CPAMD8: variants seen among roughly 807,000 people sequenced by gnomAD.
CPAMD8 encodes C3 and PZP like alpha-2-macroglobulin domain containing 8, also known as C3 and PZP-like alpha-2-macroglobulin domain-containing protein 8.
Under a neutral mutation model 224.7 loss-of-function variants are expected in CPAMD8, and 146 were observed. The observed-to-expected ratio is 0.65, with a 90% CI of 0.57 to 0.75. The LOEUF (loss-of-function observed/expected upper bound fraction) is 0.75, where lower values mean the gene tolerates loss of function less well. Among genes scored for constraint, CPAMD8 ranks in the 30% least tolerant of loss-of-function variants. The pLI is 0.00. For synonymous variants in CPAMD8, 966 were observed against 1,044.6 expected (o/e 0.92, Z 1.45); for missense variants, 2,301 against 2,537.5 (o/e 0.91, Z 2.00).
In CPAMD8 at chr19:16,901,290, G is replaced by A; in HGVS notation, c.4693C>T (p.His1565Tyr). Residue 1565 changes from histidine to tyrosine, a missense_variant, in exon 36 of 42, where the codon CAT (histidine) becomes TAT (tyrosine). Physicochemically the swap from His to Tyr is moderately conservative, Grantham distance 83. Around this residue, in one of 4 missense-constraint regions of CPAMD8, gnomAD observed 1,709 missense variants for 1,753.2 expected, o/e 0.97. Coordinates refer to ENST00000443236, the MANE Select transcript of CPAMD8 (RefSeq NM_015692.5). Reference protein sequence around the residue: ...VMLEVCTRWLHAGSSNMAVLE... With the variant: ...VMLEVCTRWLYAGSSNMAVLE... ...ACAGCCATATTGGAAGACCCTGCAT[G>A]CAGCCACCTTCCAACAACAGGGGAG... is the stretch of plus-strand genomic sequence containing the variant. The A allele has an allele frequency of 1.9e-6, 3 of 1,609,520 alleles. 1 individual carries two copies. The South Asian group carries it at 3.3e-5, about 18-fold the overall frequency.
At chr19:16,967,706 G>C (rs2054876547) in intron 18 of CPAMD8, among the ~76,000 whole-genome samples, 1 of 151,574 alleles carries the variant, frequency 6.6e-6, no homozygotes. Flanking sequence ...GTACTTGGGA[G>C]GCTGAGGCAG....
intron 11 of CPAMD8, 51 bp downstream of exon 11, chr19:16,997,060 G>T: frequency 8.8e-7 from 1 of 1,139,258 alleles, no homozygotes; most frequent in Non-Finnish European, 1.3e-6. Flanking sequence ...TAGTGGTGGT[G>T]GTTTCACGGT....
At chr19:17,014,403 T>C (rs999585904) in intron 3 of CPAMD8, among the ~76,000 whole-genome samples, 1 of 152,120 alleles carries the variant, frequency 6.6e-6, no homozygotes, top group Non-Finnish European at 1.5e-5. Context: ...CGCCCTGGCA[T>C]GTGAGTCATG....
rs750661006 is a variant in CPAMD8 at position 17,022,193 on chromosome 19, G to A, written c.93-12C>T. On this transcript the variant is annotated splice_polypyrimidine_tract_variant and intron_variant, in intron 1 of 41. Transcript: ENST00000443236. ...CAATCAAGTAACCCCTGCAGGAAAG[G>A]AGATCCGAGGTGAAGTTCTCACCCC... 6 of 1,607,246 alleles carry A rather than the reference G, an allele frequency of 3.7e-6. No individual in the cohort carries two copies. The South Asian group carries it at 6.7e-5, about 18-fold the overall frequency.
At chr19:16,974,244 G>C (rs1220067549) in intron 17 of CPAMD8, among the ~76,000 whole-genome samples, 1 of 151,796 alleles carries the variant, frequency 6.6e-6, no homozygotes, top group South Asian at 2.1e-4. Context: ...CCATTCTCCT[G>C]CCTCAGCCTC....
chr19:16,989,809 C>T (rs1224124226), intron 12 of CPAMD8, 38 bp from the exon 13 acceptor site: 1 of 1,606,546 alleles, frequency 6.2e-7, no homozygotes, highest in African/African-American at 1.3e-5. Context: ...ACCCGAGTGC[C>T]AAGAGCAGAA....
chr19:16,945,546 T>G lies in CPAMD8; in HGVS notation c.2793+3A>C, dbSNP rs751520601. ...AGCACCAGAGATGAGGACACGGCCTTACCTCAACCATCACACTGCGCCTGA... is the reference window on the plus strand; with the variant it reads ...AGCACCAGAGATGAGGACACGGCCTGACCTCAACCATCACACTGCGCCTGA... On this transcript the variant is annotated splice_donor_region_variant and intron_variant, in intron 22 of 41. Transcript: ENST00000443236. 2 of 1,613,814 alleles carry G rather than the reference T, an allele frequency of 1.2e-6. No homozygotes were observed. The highest frequency in any genetic ancestry group is 3.3e-5 in the Admixed American group (2 of 60,010).
Position 16,928,140 on chromosome 19 carries a change from C to A in CPAMD8, c.3239G>T (p.Gly1080Val), listed in dbSNP as rs912734399. 6.2e-7 allele frequency: 1 copy of A among 1,614,158 alleles called. No individual in the cohort carries two copies. Among genetic ancestry groups the A allele is most frequent in the Non-Finnish European group, 8.5e-7 (1 of 1,180,044 alleles). Residue 1080 changes from glycine to valine, a missense_variant, in exon 25 of 42, where the codon GGC becomes GTC. Around this residue, in one of 4 missense-constraint regions of CPAMD8, gnomAD observed 1,709 missense variants for 1,753.2 expected, o/e 0.97. Coordinates refer to ENST00000443236, the MANE Select transcript of CPAMD8 (RefSeq NM_015692.5). Reference sequence around the variant, plus strand: ...TCGGAATTCACCCATGGAGCCCCAGCCGGTGGAAAAGCCAATGAACTGGAC... The same window carrying A: ...TCGGAATTCACCCATGGAGCCCCAGACGGTGGAAAAGCCAATGAACTGGAC... ...PEVQFIGFST[G>V]WGSMGEFRIW...
At chr19:16,937,584 T>C (rs545416545) in intron 23 of CPAMD8, among the ~76,000 whole-genome samples, 1 of 151,924 alleles carries the variant, frequency 6.6e-6, no homozygotes, top group East Asian at 1.9e-4. Context: ...CAAGAGATTC[T>C]GCTGTCTCAA....
intron 27 of CPAMD8, among the ~76,000 whole-genome samples, chr19:16,918,747 C>CTTTTT (rs3029467): frequency 7.8e-6 from 1 of 127,510 alleles, no homozygotes. Context: ...CACACCCAGA[C>CTTTTT]TTTTTTTTTT....
intron 18 of CPAMD8, among the ~76,000 whole-genome samples, chr19:16,964,989 G>A (rs552717500): frequency 2.0e-5 from 3 of 152,218 alleles, no homozygotes; most frequent in African/African-American, 4.8e-5. Flanking sequence ...GGCTGGGCAC[G>A]GTGGCTCACG....
Position 17,008,515 on chromosome 19 carries a change from C to T in CPAMD8, c.549G>A (p.Pro183=), listed in dbSNP as rs370160565. The T allele has an allele frequency of 2.9e-5, 46 of 1,613,122 alleles. No homozygotes were observed. The East Asian group carries it at 5.6e-4, about 20-fold the overall frequency. ...SRMIEWRHLK[P]FCCGITNMSF... ...GAGGAAGAAACTTACCGCAGCAGAA[C>T]GGCTTTAAGTGTCTCCACTCTATCA... is the stretch of plus-strand genomic sequence containing the variant. Residue 183 remains proline, a synonymous_variant, in exon 7 of 42, where the codon CCG becomes CCA. Coordinates refer to ENST00000443236, the MANE Select transcript of CPAMD8 (RefSeq NM_015692.5).
chr19:16,984,068 T>G (rs1398125830), intron 13 of CPAMD8, among the ~76,000 whole-genome samples: 1 of 152,062 alleles, frequency 6.6e-6, no homozygotes, highest in Non-Finnish European at 1.5e-5. Context: ...GGCAACTGAT[T>G]TGAAATAAGG....
chr19:16,911,266 AT>A (rs2052716289), intron 29 of CPAMD8, among the ~76,000 whole-genome samples: 2 of 152,104 alleles, frequency 1.3e-5, no homozygotes, highest in African/African-American at 2.4e-5. Context: ...TCCACCTCCC[AT>A]CGGACCATCA....
rs569411705 is a variant in CPAMD8, at chr19:17,004,340, T to A, written c.606A>T (p.Gly202=). 2.5e-5 allele frequency: 41 copies of A among 1,613,732 alleles called. No homozygotes were observed. Among genetic ancestry groups the A allele is most frequent in the East Asian group, 2.0e-4 (9 of 44,870 alleles). Residue 202 remains glycine (G), a synonymous_variant, in exon 8 of 42, where the codon GGA becomes GGT. Coordinates refer to ENST00000443236, the MANE Select transcript of CPAMD8 (RefSeq NM_015692.5). ...SFPLSDQPVL[G]EWFIFVEMQG... ...GCATTTCAACAAAAATGAACCATTC[T>A]CCCAACACAGGCTGGTCGGACAAGG...
intron 21 of CPAMD8, 114 bp from the exon 22 acceptor site, chr19:16,945,793 A>C: frequency 1.1e-6 from 1 of 931,252 alleles, no homozygotes. Flanking sequence ...GTGTGTGTGC[A>C]TGTGTGTGTG....
At chr19:16,943,700 T>C (rs8111349) in intron 22 of CPAMD8, among the ~76,000 whole-genome samples, 47,265 of 152,118 alleles carry the variant, frequency 0.31, 9,032 homozygotes, top group African/African-American at 0.54. Context: ...TGACTTTGGT[T>C]TGGGATTCCC....
chr19:16,997,041 G>C, intron 11 of CPAMD8, 70 bp downstream of exon 11: 2 of 932,514 alleles, frequency 2.1e-6, no homozygotes, highest in East Asian at 4.8e-5. Flanking sequence ...CCACTGCAGA[G>C]CTAGTGGCTA....
intron 41 of CPAMD8, chr19:16,894,733 C>T (rs986687602): frequency 1.7e-5 from 5 of 299,788 alleles, no homozygotes; most frequent in African/African-American, 8.7e-5. Context: ...TAGCACACTA[C>T]CCAGCAATAC....
Sources: allele counts gnomAD v4.1 joint callset (sites outside exome capture counted in the v4.1 genomes callset), GRCh38; gene constraint gnomAD v4.1.1; regional missense constraint gnomAD v4.1.1; transcripts MANE v1.5; gene names NCBI Gene and HGNC (gene_info 2026-07-23, HGNC 2026-07-21).